LRP1B: variants seen among roughly 807,000 people sequenced by gnomAD.
LRP1B encodes the protein LDL receptor related protein 1B.
Under a neutral mutation model 556.6 loss-of-function variants are expected in LRP1B, and 217 were observed. That is an observed-to-expected ratio of 0.39 (90% confidence interval 0.35 to 0.44). The LOEUF is 0.44. Among genes scored for constraint, LRP1B ranks in the 20% least tolerant of loss-of-function variants. LRP1B has a pLI of 1.00. For missense variants in LRP1B, 5,053 were observed against 5,620.8 expected (o/e 0.90, Z 3.23); for synonymous variants, 2,047 against 1,865.8 (o/e 1.10, Z -2.50).
intron 43 of LRP1B, among the ~76,000 whole-genome samples, chr2:140,566,235 G>T (rs781428177): frequency 5.3e-5 from 8 of 152,134 alleles, no homozygotes; most frequent in Non-Finnish European, 7.4e-5. Flanking sequence ...AGTTGTAGAA[G>T]TCCTCCACCC....
chr2:140,877,326 A>G (rs1427398963), intron 25 of LRP1B, among the ~76,000 whole-genome samples: 1 of 152,090 alleles, frequency 6.6e-6, no homozygotes, highest in African/African-American at 2.4e-5. Flanking sequence ...TTCTTGTCAC[A>G]GGACATGAGA....
chr2:140,485,874 CACACACACAA>C (rs1688450620), intron 58 of LRP1B, among the ~76,000 whole-genome samples: 2 of 150,836 alleles, frequency 1.3e-5, no homozygotes, highest in African/African-American at 4.9e-5. Context: ...CACACACACA[CACACACACAA>C]ACTTAGAGAT....
chr2:140,883,759 T>A, intron 25 of LRP1B, 58 bp downstream of exon 25: 1 of 1,491,928 alleles, frequency 6.7e-7, no homozygotes, highest in African/African-American at 1.4e-5. Flanking sequence ...AATTCAATGT[T>A]AAATTGAAAG....
chr2:141,044,613 C>T (rs1346396039), intron 11 of LRP1B, among the ~76,000 whole-genome samples: 1 of 151,734 alleles, frequency 6.6e-6, no homozygotes, highest in Non-Finnish European at 1.5e-5. Context: ...GGGCAAAGGA[C>T]ATGAACAGAC....
intron 11 of LRP1B, among the ~76,000 whole-genome samples, chr2:141,037,574 G>A (rs1698570025): frequency 6.6e-6 from 1 of 152,018 alleles, no homozygotes; most frequent in Admixed American, 6.6e-5. Context: ...GATAGTGTTG[G>A]CTGATTTGCA....
chr2:141,272,080 A>G (rs1409671911), intron 3 of LRP1B, among the ~76,000 whole-genome samples: 1 of 152,074 alleles, frequency 6.6e-6, no homozygotes, highest in Non-Finnish European at 1.5e-5. Flanking sequence ...GTCTTCTCTC[A>G]GCCTCTATAA....
At position 141,064,495 on chromosome 2, in the gene LRP1B, T is replaced by C. The variant is rs79983014; in HGVS notation, c.1014-2222A>G. ...TTGAGATAACTCTCTAAGTTTCTGCTAAGCATGAAAAAAAGCACATGTAAA... is the reference window on the plus strand; with the variant it reads ...TTGAGATAACTCTCTAAGTTTCTGCCAAGCATGAAAAAAAGCACATGTAAA... On this transcript the variant is annotated intron_variant, in intron 7 of 90. Coordinates refer to ENST00000389484, the MANE Select transcript of LRP1B (RefSeq NM_018557.3). Among the ~76,000 whole-genome samples, 801 of 152,092 alleles carry C rather than the reference T, an allele frequency of 5.3e-3. 8 individuals carry two copies. Among genetic ancestry groups the C allele is most frequent in the African/African-American group, 0.018 (757 of 41,544 alleles).
chr2:142,078,376 T>C (rs1440586848), intron 1 of LRP1B, among the ~76,000 whole-genome samples: 1 of 152,178 alleles, frequency 6.6e-6, no homozygotes, highest in Non-Finnish European at 1.5e-5. Context: ...TCATGTCAAA[T>C]ATATTCAATT....
intron 41 of LRP1B, among the ~76,000 whole-genome samples, chr2:140,641,553 C>CTT (rs563752043): frequency 6.5e-4 from 99 of 152,266 alleles, no homozygotes; most frequent in African/African-American, 2.1e-3. Context: ...TTTTAAGGAT[C>CTT]TTCAAATATA....
intron 51 of LRP1B, among the ~76,000 whole-genome samples, chr2:140,511,485 T>A (rs1689657259): frequency 6.6e-6 from 1 of 152,018 alleles, no homozygotes; most frequent in African/African-American, 2.4e-5. Context: ...GTATTTTTAG[T>A]AGAGACGGGG....
chr2:141,866,280 T>G (rs1417328369), intron 1 of LRP1B, among the ~76,000 whole-genome samples: 2 of 152,220 alleles, frequency 1.3e-5, no homozygotes, highest in African/African-American at 2.4e-5. Context: ...AGACTCCACT[T>G]GTGGGTTGCT....
chr2:141,322,799 A>C (rs1687292186), intron 3 of LRP1B, among the ~76,000 whole-genome samples: 1 of 152,056 alleles, frequency 6.6e-6, no homozygotes, highest in African/African-American at 2.4e-5. Context: ...AGGCATCTTA[A>C]ATTTAAATCA....
chr2:141,281,467 A>G (rs1343299246), intron 3 of LRP1B, among the ~76,000 whole-genome samples: 1 of 152,096 alleles, frequency 6.6e-6, no homozygotes, highest in Non-Finnish European at 1.5e-5. Context: ...CCAATCACTA[A>G]TTCTAAAACA....
chr2:141,694,566 C>CTTACG (rs1691664409), intron 2 of LRP1B, among the ~76,000 whole-genome samples: 1 of 151,226 alleles, frequency 6.6e-6, no homozygotes, highest in African/African-American at 2.4e-5. Flanking sequence ...TCAGTTTGAC[C>CTTACG]TTATTCCTGT....
At position 140,563,060 on chromosome 2, in the gene LRP1B, A is replaced by G. The variant is rs184731243; in HGVS notation, c.7195-21089T>C. Among the ~76,000 whole-genome samples, 261 of 152,310 alleles carry G rather than the reference A, an allele frequency of 1.7e-3. 2 individuals are homozygous for G. Among genetic ancestry groups the G allele is most frequent in the Admixed American group, 3.7e-3 (57 of 15,294 alleles). On this transcript the variant is annotated intron_variant, in intron 43 of 90. Coordinates refer to ENST00000389484, the MANE Select transcript of LRP1B (RefSeq NM_018557.3). ...TTTTTAATACCAGGAAACTGTTCAAAGTGTTAAATGTTTTCTTAAATATTA... is the reference window on the plus strand; with the variant it reads ...TTTTTAATACCAGGAAACTGTTCAAGGTGTTAAATGTTTTCTTAAATATTA...
intron 32 of LRP1B, among the ~76,000 whole-genome samples, chr2:140,812,408 A>G (rs554606044): frequency 4.6e-5 from 7 of 152,260 alleles, no homozygotes; most frequent in Middle Eastern, 3.4e-3. Flanking sequence ...AGGAAGACTC[A>G]TTCTTAAATA....
chr2:141,627,726 G>T (rs138761278), intron 2 of LRP1B, among the ~76,000 whole-genome samples: 3 of 152,172 alleles, frequency 2.0e-5, no homozygotes, highest in South Asian at 2.1e-4. Flanking sequence ...TGCCAAAAAG[G>T]TTAGGGACTG....
At chr2:141,972,600 A>G (rs1183208060) in intron 1 of LRP1B, among the ~76,000 whole-genome samples, 12 of 146,250 alleles carry the variant, frequency 8.2e-5, no homozygotes, top group African/African-American at 1.0e-4. Context: ...AAAAAAAAAA[A>G]GTGCCTACAA....
At chr2:140,952,498 G>A (rs1286289247) in intron 18 of LRP1B, among the ~76,000 whole-genome samples, 5 of 147,912 alleles carry the variant, frequency 3.4e-5, no homozygotes, top group African/African-American at 9.9e-5. Flanking sequence ...CTTAGTCTAC[G>A]AAAAAGAACA....
Sources: allele counts gnomAD v4.1 joint callset (sites outside exome capture counted in the v4.1 genomes callset), GRCh38; gene constraint gnomAD v4.1.1; transcripts MANE v1.5; gene names NCBI Gene and HGNC (gene_info 2026-07-23, HGNC 2026-07-21).